CUBN: variants seen among roughly 807,000 people sequenced by gnomAD.
CUBN encodes the protein 460 kDa receptor.
A neutral mutation model predicts 405.3 loss-of-function variants in CUBN; 282 were observed. The observed-to-expected ratio is 0.70, with a 90% CI of 0.63 to 0.77. The LOEUF is 0.77. Ranked by LOEUF, CUBN falls within the 30% of genes least tolerant of loss-of-function variation. The pLI is 0.00. For missense variants in CUBN, 4,514 were observed against 4,475.2 expected, an observed-to-expected ratio of 1.01 and a Z score of -0.25; for synonymous variants, 1,684 against 1,617.0, an observed-to-expected ratio of 1.04 and a Z score of -0.99.
intron 27 of CUBN, among the ~76,000 whole-genome samples, chr10:17,026,633 A>C (rs1405199884): frequency 2.1e-5 from 3 of 143,984 alleles, no homozygotes; most frequent in Non-Finnish European, 4.6e-5. Context: ...GATTCTCTCA[A>C]AAAAAAAAAT....
chr10:17,113,072 C>T (rs1005317050), intron 8 of CUBN, among the ~76,000 whole-genome samples: 1 of 152,072 alleles, frequency 6.6e-6, no homozygotes, highest in Non-Finnish European at 1.5e-5. Flanking sequence ...TTGAGACCAG[C>T]CTGGCCAACA....
intron 62 of CUBN, among the ~76,000 whole-genome samples, chr10:16,837,831 AC>A (rs1389479496): frequency 6.6e-6 from 1 of 152,124 alleles, no homozygotes; most frequent in Admixed American, 6.5e-5. Context: ...TCAGTGGAAA[AC>A]ATTATTCAGT....
intron 56 of CUBN, among the ~76,000 whole-genome samples, chr10:16,878,699 A>C (rs150325704): frequency 2.4e-4 from 36 of 152,288 alleles, no homozygotes; most frequent in Non-Finnish European, 4.7e-4. Flanking sequence ...CCCATTAACA[A>C]TCACTCCAGT....
Position 16,916,740 on chromosome 10 carries a change from A to G in CUBN, c.7001-710T>C, listed in dbSNP as rs1841894999. Among the ~76,000 whole-genome samples, 4 of 152,136 alleles carry G rather than the reference A, an allele frequency of 2.6e-5. No homozygotes were observed. The South Asian group carries it at 8.3e-4, about 32-fold the overall frequency. ...TGTGACCATATTATAGTGAATCTTCAACCGCTCATTTTTTAAATAAGGAAA... is the reference window on the plus strand; with the variant it reads ...TGTGACCATATTATAGTGAATCTTCGACCGCTCATTTTTTAAATAAGGAAA... On this transcript the variant is annotated intron_variant, in intron 45 of 66. Coordinates refer to ENST00000377833, the MANE Select transcript of CUBN (RefSeq NM_001081.4).
intron 44 of CUBN, among the ~76,000 whole-genome samples, chr10:16,919,747 A>C (rs1841980237): frequency 6.6e-6 from 1 of 152,202 alleles, no homozygotes; most frequent in Non-Finnish European, 1.5e-5. Flanking sequence ...GGAAGTGTCT[A>C]GGGTCACAAG....
intron 28 of CUBN, among the ~76,000 whole-genome samples, chr10:17,014,688 G>C (rs1834279914): frequency 6.6e-6 from 1 of 152,144 alleles, no homozygotes; most frequent in South Asian, 2.1e-4. Context: ...GTCGCCTGCT[G>C]GGATGAGGCT....
chr10:16,842,922 C>A (rs1351014353), intron 60 of CUBN, among the ~76,000 whole-genome samples: 1 of 152,222 alleles, frequency 6.6e-6, no homozygotes, highest in Non-Finnish European at 1.5e-5. Context: ...AAGCTGAACC[C>A]ACACAGCTAA....
At chr10:16,992,022 A>C (rs568506131) in intron 28 of CUBN, among the ~76,000 whole-genome samples, 6 of 152,370 alleles carry the variant, frequency 3.9e-5, no homozygotes. Context: ...CTGGATTAAG[A>C]AAATGTGGCA....
chr10:17,066,985 C>A (rs1835624711), intron 21 of CUBN, among the ~76,000 whole-genome samples: 1 of 152,044 alleles, frequency 6.6e-6, no homozygotes, highest in African/African-American at 2.4e-5. Flanking sequence ...AGTTTAAAGG[C>A]AAAACTGAAA....
chr10:16,942,629 G>A lies in CUBN; in HGVS notation c.5343-2392C>T, dbSNP rs191304685. Among the ~76,000 whole-genome samples, 13 of 152,224 alleles carry A rather than the reference G, an allele frequency of 8.5e-5. No individual in the cohort carries two copies. The East Asian group carries it at 1.7e-3, about 20-fold the overall frequency. On this transcript the variant is annotated intron_variant, in intron 36 of 66. Coordinates refer to ENST00000377833, the MANE Select transcript of CUBN (RefSeq NM_001081.4). ...ATTAGAACTCTTACGCATTACTAACGGGAATGTAAAATAGTCCATCCCTAT... is the reference window on the plus strand; with the variant it reads ...ATTAGAACTCTTACGCATTACTAACAGGAATGTAAAATAGTCCATCCCTAT...
At position 16,940,483 on chromosome 10, in the gene CUBN, G is replaced by A. The variant is rs144516279; in HGVS notation, c.5343-246C>T. Among the ~76,000 whole-genome samples, 101 of 152,264 alleles carry A rather than the reference G, an allele frequency of 6.6e-4. 2 individuals are homozygous for A. The East Asian group carries it at 0.017, about 25-fold the overall frequency. On this transcript the variant is annotated intron_variant, in intron 36 of 66. Transcript: ENST00000377833. ...TTCTTCCTAGTGGGCAAAACTGGACGAGAATACAGAAAAAAAATATATAAG... is the reference window on the plus strand; with the variant it reads ...TTCTTCCTAGTGGGCAAAACTGGACAAGAATACAGAAAAAAAATATATAAG...
rs11254381 is a variant in CUBN, at chr10:17,122,570, G to A, written c.593+225C>T. 7,041 of 590,010 alleles carry A rather than the reference G, an allele frequency of 0.012. 57 individuals are homozygous for A. The highest frequency in any genetic ancestry group is 0.015 in the Non-Finnish European group (4,654 of 307,140). The allele number at this position is 590,010 out of a possible 1,614,324, so 36.5% of individuals were successfully genotyped here. ...AGCCTTCTTCCGGTTCCTTGGGGAT[G>A]TTAGAGCAAGGATTTCTTCACGGGG... On this transcript the variant is annotated intron_variant, in intron 6 of 66. Transcript: ENST00000377833.
chr10:17,127,125 T>C (rs1343934710), intron 3 of CUBN, among the ~76,000 whole-genome samples: 3 of 152,176 alleles, frequency 2.0e-5, no homozygotes, highest in Non-Finnish European at 4.4e-5. Context: ...AATAAGAAGA[T>C]TGCTCTCAGA....
chr10:16,944,507 C>G (rs541405910), intron 36 of CUBN, among the ~76,000 whole-genome samples: 87 of 152,320 alleles, frequency 5.7e-4, no homozygotes, highest in South Asian at 5.0e-3. Flanking sequence ...GCTTCTCATA[C>G]GCTCTCACAC....
rs547894531 is a variant in CUBN, at chr10:16,906,005, T to G, written c.7912+198A>C. Reference sequence around the variant, plus strand: ...GATGTACACCTGTAGTCCAAGCCACTTGGGGGACTGAGGCAAGAGGATCAC... The same window carrying G: ...GATGTACACCTGTAGTCCAAGCCACGTGGGGGACTGAGGCAAGAGGATCAC... On this transcript the variant is annotated intron_variant, in intron 50 of 66. Coordinates refer to ENST00000377833, the MANE Select transcript of CUBN (RefSeq NM_001081.4). Among the ~76,000 whole-genome samples the G allele has an allele frequency of 3.3e-5, 5 of 152,174 alleles. No individual in the cohort carries two copies. The South Asian group carries it at 1.0e-3, about 32-fold the overall frequency.
chr10:17,085,701 G>A lies in CUBN; in HGVS notation c.2006C>T (p.Ser669Phe). The A allele has an allele frequency of 6.2e-7, 1 of 1,614,064 alleles. No individual in the cohort carries two copies. Among genetic ancestry groups the A allele is most frequent in the Non-Finnish European group, 8.5e-7 (1 of 1,179,962 alleles). ...PLLGKFCTTF[S>F]VPPLQTTGPF... The stretch of plus-strand genomic sequence containing the variant: ...GCCAGTAGTCTGGAGCGGTGGGACA[G>A]AGAAAGTGGTGCAGAACTTCCCAAG... The change falls in exon 16 of 67, where the codon TCT becomes TTT. Residue 669 changes from serine to phenylalanine, a missense_variant. By Grantham distance (155) the Ser-to-Phe change is radical (BLOSUM62 -2). Coordinates refer to ENST00000377833, the MANE Select transcript of CUBN (RefSeq NM_001081.4).
At chr10:16,844,370 C>T (rs985020146) in intron 60 of CUBN, among the ~76,000 whole-genome samples, 9 of 152,016 alleles carry the variant, frequency 5.9e-5, no homozygotes, top group African/African-American at 1.7e-4. Flanking sequence ...ATGCATGGCA[C>T]GTGTCAACAA....
Position 17,103,250 on chromosome 10 carries a change from A to G in CUBN, c.1418-13T>C, listed in dbSNP as rs1276466599. On this transcript the variant is annotated splice_polypyrimidine_tract_variant and intron_variant, in intron 12 of 66. Coordinates refer to ENST00000377833, the MANE Select transcript of CUBN (RefSeq NM_001081.4). ...GACTCTCCACAAACTGCAAAGGAAA[A>G]GATGAACTGTGCTTTTCAGAGGTTC... 2.6e-6 allele frequency: 4 copies of G among 1,509,564 alleles called. No individual in the cohort carries two copies. Among genetic ancestry groups the G allele is most frequent in the Non-Finnish European group, 3.7e-6 (4 of 1,084,730 alleles). The allele number at this position is 1,509,564 out of a possible 1,614,324, so 93.5% of individuals were successfully genotyped here. A position where few individuals can be genotyped will look rare whatever the true frequency, so the allele number is the denominator to read the frequency against.
At chr10:16,983,723 C>T (rs924562500) in intron 30 of CUBN, among the ~76,000 whole-genome samples, 1 of 152,192 alleles carries the variant, frequency 6.6e-6, no homozygotes, top group Admixed American at 6.5e-5. Context: ...ATAGAACACA[C>T]AGTAATTCCT....
Sources: allele counts gnomAD v4.1 joint callset (sites outside exome capture counted in the v4.1 genomes callset), GRCh38; gene constraint gnomAD v4.1.1; transcripts MANE v1.5; gene names NCBI Gene and HGNC (gene_info 2026-07-23, HGNC 2026-07-21).